TTBK2: variants seen among roughly 807,000 people sequenced by gnomAD.
TTBK2 encodes tau-tubulin kinase 2.
A neutral mutation model predicts 110.8 loss-of-function variants in TTBK2; 28 were observed. The observed-to-expected ratio is 0.25, with a 90% confidence interval of 0.19 to 0.35. The LOEUF is 0.35. TTBK2 is among the 10% of genes least tolerant of loss of function. The pLI, the probability that TTBK2 is intolerant of heterozygous loss-of-function variation, is 1.00. For missense variants in TTBK2, 1,369 were observed against 1,500.3 expected (o/e 0.91, Z 1.45); for synonymous variants, 532 against 527.3 (o/e 1.01, Z -0.12).
intron 13 of TTBK2, among the ~76,000 whole-genome samples, chr15:42,773,200 C>T (rs1889752886): frequency 6.6e-6 from 1 of 152,010 alleles, no homozygotes. Flanking sequence ...AAGACCTAGC[C>T]TCTAAAATAG....
chr15:42,855,934 A>G (rs890657407), intron 3 of TTBK2, among the ~76,000 whole-genome samples: 4 of 152,202 alleles, frequency 2.6e-5, no homozygotes, highest in Non-Finnish European at 5.9e-5. Flanking sequence ...TGCCCACCTC[A>G]GCCTCCCAAA....
At chr15:42,755,587 G>A (rs2061935298) in intron 13 of TTBK2, among the ~76,000 whole-genome samples, 1 of 152,206 alleles carries the variant, frequency 6.6e-6, no homozygotes, top group Non-Finnish European at 1.5e-5. Context: ...ATCCAAGACA[G>A]GCAATTTGGG....
intron 13 of TTBK2, among the ~76,000 whole-genome samples, chr15:42,766,111 T>C (rs1362270891): frequency 1.3e-5 from 2 of 152,068 alleles, no homozygotes; most frequent in Non-Finnish European, 1.5e-5. Context: ...CAAGAGTTCC[T>C]GAAAGAAGCA....
At chr15:42,750,797 C>T (rs2061855247) in intron 14 of TTBK2, among the ~76,000 whole-genome samples, 1 of 152,056 alleles carries the variant, frequency 6.6e-6, no homozygotes, top group Non-Finnish European at 1.5e-5. Flanking sequence ...AACTCAGAGA[C>T]CCACAATGAG....
chr15:42,827,860 T>C, intron 6 of TTBK2, 68 bp downstream of exon 6: 1 of 1,304,078 alleles, frequency 7.7e-7, no homozygotes, highest in Middle Eastern at 1.9e-4. Flanking sequence ...TAGCATTGTT[T>C]AAAAAGTGTG....
intron 6 of TTBK2, among the ~76,000 whole-genome samples, chr15:42,821,204 T>C (rs965162935): frequency 1.3e-5 from 2 of 152,132 alleles, no homozygotes; most frequent in Admixed American, 6.5e-5. Context: ...TGTATGTGAA[T>C]AAAGAAATTC....
rs376543555 is a variant in TTBK2 at position 42,775,204 on chromosome 15, A to G, written c.1929T>C (p.Ala643=). 1.2e-4 allele frequency: 187 copies of G among 1,614,212 alleles called. No individual in the cohort carries two copies. The African/African-American group carries it at 2.2e-3, about 19-fold the overall frequency. ...GCGTCGCTGCAATAAACTGACTAGCAGCTCCAGGCTGGAGTTCCAGCCTAT... is the reference window on the plus strand; with the variant it reads ...GCGTCGCTGCAATAAACTGACTAGCGGCTCCAGGCTGGAGTTCCAGCCTAT... ...YTDRLELQPG[A]ASQFIAATPT... Residue 643 remains alanine (A), a synonymous_variant, in exon 13 of 15, where the codon GCT becomes GCC. Coordinates refer to ENST00000267890, the MANE Select transcript of TTBK2 (RefSeq NM_173500.4).
intron 10 of TTBK2, among the ~76,000 whole-genome samples, chr15:42,792,359 T>C (rs892190563): frequency 6.6e-6 from 1 of 152,272 alleles, no homozygotes; most frequent in Middle Eastern, 3.4e-3. Context: ...TTTTTCCCTA[T>C]TCAAATTACT....
At chr15:42,778,470 C>T (rs1890031121) in intron 11 of TTBK2, among the ~76,000 whole-genome samples, 1 of 152,000 alleles carries the variant, frequency 6.6e-6, no homozygotes, top group Non-Finnish European at 1.5e-5. Context: ...TGGAGACTAG[C>T]CTGGCCAACA....
At chr15:42,758,255 G>A (rs2061973538) in intron 13 of TTBK2, among the ~76,000 whole-genome samples, 1 of 152,118 alleles carries the variant, frequency 6.6e-6, no homozygotes, top group African/African-American at 2.4e-5. Flanking sequence ...ATAATGTATT[G>A]GTACCTAATA....
Position 42,751,989 on chromosome 15 carries a change from G to A in TTBK2, c.3257C>T (p.Pro1086Leu), listed in dbSNP as rs1372454920. The A allele has an allele frequency of 5.0e-6, 8 of 1,614,006 alleles. No individual in the cohort carries two copies. The Admixed American group carries it at 5.0e-5, about 10-fold the overall frequency. ...RPPPGKPPTR[P>L]GVEARLRRYK... ...ACAGCATTACCTGGCTTCTACTCCA[G>A]GCCTCGTGGGTGGCTTTCCTGGTGG... is the stretch of plus-strand genomic sequence containing the variant. Residue 1086 changes from proline to leucine, a missense_variant, in exon 14 of 15, where the codon CCT (proline) becomes CTT (leucine). Around this residue, in one of 4 missense-constraint regions of TTBK2, gnomAD observed 1,097 missense variants for 1,114.7 expected, o/e 0.98. Transcript: ENST00000267890.
intron 3 of TTBK2, among the ~76,000 whole-genome samples, chr15:42,851,929 C>A (rs1298048003): frequency 6.6e-6 from 1 of 152,050 alleles, no homozygotes; most frequent in African/African-American, 2.4e-5. Flanking sequence ...AGGGTTTATG[C>A]ACGAACTGGA....
chr15:42,783,892 T>C (rs930517797), intron 10 of TTBK2, among the ~76,000 whole-genome samples: 4 of 151,882 alleles, frequency 2.6e-5, no homozygotes, highest in Non-Finnish European at 5.9e-5. Context: ...TGAAACCCTG[T>C]CTCTACTAAA....
intron 9 of TTBK2, chr15:42,801,193 T>C (rs1163164797): frequency 7.1e-7 from 1 of 1,409,520 alleles, no homozygotes; most frequent in Admixed American, 1.7e-5. Context: ...ATACTCATGT[T>C]CTGCATCCCA....
At chr15:42,780,692 G>A (rs913966109) in intron 11 of TTBK2, among the ~76,000 whole-genome samples, 2 of 152,098 alleles carry the variant, frequency 1.3e-5, no homozygotes, top group African/African-American at 2.4e-5. Context: ...TTGGCTGGGC[G>A]TCGTGGCTTG....
rs1461437717 is a variant in TTBK2 at position 42,794,683 on chromosome 15, G to A, written c.941C>T (p.Thr314Ile). 2 of 1,614,140 alleles carry A rather than the reference G, an allele frequency of 1.2e-6. No individual in the cohort carries two copies. The highest frequency in any genetic ancestry group is 1.7e-6 in the Non-Finnish European group (2 of 1,180,032). Residue 314 changes from threonine to isoleucine, a missense_variant, in exon 10 of 15, where the codon ACC (threonine) becomes ATC (isoleucine). By Grantham distance (89) the Thr-to-Ile change is moderately conservative. Around this residue, in one of 4 missense-constraint regions of TTBK2, gnomAD observed 1,097 missense variants for 1,114.7 expected, o/e 0.98. Coordinates refer to ENST00000267890, the MANE Select transcript of TTBK2 (RefSeq NM_173500.4). ...GGTCAAGCGAGTGTGCAACTGAGGG[G>A]TGGTAGAAGTAGTGGTGGTTGTTAG... Reference protein sequence around the residue: ...GSLTTTTTSTTPQLHTRLTPA... With the variant: ...GSLTTTTTSTIPQLHTRLTPA...
At chr15:42,858,705 A>T (rs552483128) in intron 3 of TTBK2, among the ~76,000 whole-genome samples, 1 of 152,330 alleles carries the variant, frequency 6.6e-6, no homozygotes, top group Non-Finnish European at 1.5e-5. Context: ...ACAGAGAGTT[A>T]TGACATACCA....
intron 4 of TTBK2, among the ~76,000 whole-genome samples, chr15:42,831,127 A>G (rs1241431300): frequency 6.6e-6 from 1 of 152,038 alleles, no homozygotes; most frequent in Non-Finnish European, 1.5e-5. Flanking sequence ...TTCTCATACA[A>G]GCTACTTAAC....
At chr15:42,759,979 TAA>T in intron 13 of TTBK2, among the ~76,000 whole-genome samples, 1 of 152,094 alleles carries the variant, frequency 6.6e-6, no homozygotes, top group East Asian at 1.9e-4. Flanking sequence ...CAGTGACATA[TAA>T]GAGAATAAAG....
Sources: allele counts gnomAD v4.1 joint callset (sites outside exome capture counted in the v4.1 genomes callset), GRCh38; gene constraint gnomAD v4.1.1; regional missense constraint gnomAD v4.1.1; transcripts MANE v1.5; gene names NCBI Gene and HGNC (gene_info 2026-07-23, HGNC 2026-07-21).